Variants in SLC24A2 observed in about 807,000 individuals in gnomAD.
SLC24A2 encodes the protein sodium/potassium/calcium exchanger 2.
SLC24A2 carries 36 observed loss-of-function variants against 62.0 expected under a neutral mutation model. The ratio of observed to expected loss-of-function variants is 0.58; its 90% CI spans 0.44 to 0.77. The LOEUF (loss-of-function observed/expected upper bound fraction) is 0.77, where lower values mean the gene tolerates loss of function less well. SLC24A2 is among the 30% of genes least tolerant of loss of function. The pLI, the probability that SLC24A2 is intolerant of heterozygous loss-of-function variation, is 0.00. For missense variants in SLC24A2, 846 were observed against 817.9 expected (o/e 1.03, Z -0.42); for synonymous variants, 358 against 294.0 (o/e 1.22, Z -2.23).
At chr9:20,022,846 T>C in the SLC24A2 span, among the ~76,000 whole-genome samples, 7 of 152,282 alleles carry the variant, frequency 4.6e-5, no homozygotes, top group East Asian at 1.2e-3. Flanking sequence ...ACAGATCTGA[T>C]AAAAAAGCAT....
chr9:19,710,549 A>G (rs1207380200), intron 2 of SLC24A2, among the ~76,000 whole-genome samples: 1 of 152,198 alleles, frequency 6.6e-6, no homozygotes, highest in Non-Finnish European at 1.5e-5. Context: ...AATATGAGAA[A>G]GAACACAAAT....
At chr9:19,875,769 C>A in the SLC24A2 span, among the ~76,000 whole-genome samples, 1 of 152,196 alleles carries the variant, frequency 6.6e-6, no homozygotes, top group East Asian at 1.9e-4. Context: ...GCTGCCAATT[C>A]TTCTACGAAT....
At chr9:20,201,945 G>C in the SLC24A2 span, among the ~76,000 whole-genome samples, 1 of 152,070 alleles carries the variant, frequency 6.6e-6, no homozygotes, top group Admixed American at 6.6e-5. Flanking sequence ...GAAAAATAGA[G>C]AGGGAATTGT....
At chr9:19,979,661 G>A in the SLC24A2 span, among the ~76,000 whole-genome samples, 1 of 152,114 alleles carries the variant, frequency 6.6e-6, no homozygotes, top group Non-Finnish European at 1.5e-5. Flanking sequence ...GTTACTAGCT[G>A]ACTTTAGGAT....
At chr9:20,120,084 T>C in the SLC24A2 span, among the ~76,000 whole-genome samples, 6 of 152,164 alleles carry the variant, frequency 3.9e-5, no homozygotes, top group Non-Finnish European at 8.8e-5. Flanking sequence ...CCCTCTTTCT[T>C]GATTTTTAAC....
At chr9:19,810,147 G>T in the SLC24A2 span, among the ~76,000 whole-genome samples, 1 of 152,276 alleles carries the variant, frequency 6.6e-6, no homozygotes, top group South Asian at 2.1e-4. Flanking sequence ...AAGTCTAAAA[G>T]TGGGGAGAGG....
chr9:19,831,564 C>T, the SLC24A2 span, among the ~76,000 whole-genome samples: 3 of 152,136 alleles, frequency 2.0e-5, no homozygotes, highest in Non-Finnish European at 2.9e-5. Context: ...TGTAGTGCTA[C>T]AAATATCATA....
At chr9:20,095,020 G>T in the SLC24A2 span, among the ~76,000 whole-genome samples, 2 of 152,136 alleles carry the variant, frequency 1.3e-5, no homozygotes, top group African/African-American at 4.8e-5. Context: ...TTTGTGTGAT[G>T]ATAGATTTTT....
intron 2 of SLC24A2, among the ~76,000 whole-genome samples, chr9:19,784,019 T>G (rs1201087064): frequency 2.6e-5 from 4 of 152,202 alleles, no homozygotes; most frequent in South Asian, 2.1e-4. Flanking sequence ...TCCCAAATTT[T>G]AGAACACACA....
At chr9:19,627,636 T>C (rs576819512) in intron 2 of SLC24A2, among the ~76,000 whole-genome samples, 1 of 152,276 alleles carries the variant, frequency 6.6e-6, no homozygotes, top group African/African-American at 2.4e-5. Flanking sequence ...AGCAATCCTC[T>C]TGCTTCAGCC....
At chr9:19,763,181 TGCTGAAGTTGTTTATCA>T (rs1822397958) in intron 2 of SLC24A2, among the ~76,000 whole-genome samples, 2 of 152,250 alleles carry the variant, frequency 1.3e-5, no homozygotes, top group Non-Finnish European at 2.9e-5. Context: ...CCTGAGACTT[TGCTGAAGTTGTTTATCA>T]GCTTAAGGAG....
At chr9:19,691,145 C>T (rs910567420) in intron 2 of SLC24A2, among the ~76,000 whole-genome samples, 1 of 152,076 alleles carries the variant, frequency 6.6e-6, no homozygotes, top group East Asian at 1.9e-4. Context: ...AAGGTGTGAA[C>T]AAGAAAGGAT....
At chr9:19,829,578 AC>A in the SLC24A2 span, among the ~76,000 whole-genome samples, 5 of 151,800 alleles carry the variant, frequency 3.3e-5, no homozygotes, top group Middle Eastern at 6.8e-3. Context: ...TTAAAAAAAA[AC>A]TATAAGCTGG....
At chr9:19,927,512 C>T in the SLC24A2 span, 1 of 152,214 alleles carries the variant, frequency 6.6e-6, no homozygotes, top group Non-Finnish European at 1.5e-5. Context: ...ACATCTTAGT[C>T]ATATGAGGCA....
chr9:19,715,246 C>G (rs1180677101), intron 2 of SLC24A2, among the ~76,000 whole-genome samples: 1 of 152,130 alleles, frequency 6.6e-6, no homozygotes, highest in Non-Finnish European at 1.5e-5. Context: ...CAAGGAATAT[C>G]AGAGTCCTCT....
chr9:19,882,009 T>A, the SLC24A2 span, among the ~76,000 whole-genome samples: 2 of 152,250 alleles, frequency 1.3e-5, no homozygotes, highest in African/African-American at 4.8e-5. Context: ...TTCATTTAAC[T>A]ATTCTTTTGC....
At chr9:20,143,717 A>G in the SLC24A2 span, among the ~76,000 whole-genome samples, 2 of 152,206 alleles carry the variant, frequency 1.3e-5, no homozygotes, top group Non-Finnish European at 2.9e-5. Context: ...CAGCCACAAA[A>G]CCTTTGAGAA....
At chr9:19,747,641 T>C (rs1821871609) in intron 2 of SLC24A2, among the ~76,000 whole-genome samples, 1 of 152,210 alleles carries the variant, frequency 6.6e-6, no homozygotes, top group South Asian at 2.1e-4. Context: ...TTGTCTTACC[T>C]GGAAATTAAC....
At chr9:19,938,449 T>C in the SLC24A2 span, among the ~76,000 whole-genome samples, 1 of 152,212 alleles carries the variant, frequency 6.6e-6, no homozygotes, top group African/African-American at 2.4e-5. Context: ...TGACACTTCC[T>C]TTCAGTTTGA....
Sources: gnomAD v4.1 joint callset for allele counts (sites outside exome capture counted in the v4.1 genomes callset) on GRCh38, gnomAD v4.1.1 for gene constraint, MANE v1.5 for transcripts, NCBI Gene and HGNC (gene_info 2026-07-23, HGNC 2026-07-21) for gene names.